TLE5: variants seen among roughly 807,000 people sequenced by gnomAD.
The protein encoded by TLE5 is TLE family member 5.
A neutral mutation model predicts 25.8 loss-of-function variants in TLE5; 7 were observed. The observed-to-expected ratio is 0.27, with a 90% CI of 0.15 to 0.51. The LOEUF is 0.51. TLE5 is among the 20% of genes least tolerant of loss of function. The pLI is 0.97. For missense variants in TLE5, 149 were observed against 250.7 expected, an observed-to-expected ratio of 0.59 and a Z score of 2.74; for synonymous variants, 132 against 110.5, an observed-to-expected ratio of 1.20 and a Z score of -1.22.
chr19:3,058,543 C>T (rs62125455), intron 2 of TLE5, among the ~76,000 whole-genome samples: 9,238 of 152,314 alleles, frequency 0.061, 397 homozygotes, highest in Non-Finnish European at 0.085. Context: ...AGGCAGACCC[C>T]TCAGCTCCCT....
chr19:3,062,917 T>C, upstream of TLE5: 1 of 1,059,074 alleles, frequency 9.4e-7, no homozygotes, highest in East Asian at 2.7e-5. Context: ...GAAGCCATTC[T>C]TGTGACACAT....
At chr19:3,056,207 C>A (rs1435675937) in intron 4 of TLE5, 105 bp downstream of exon 4, 3 of 735,162 alleles carry the variant, frequency 4.1e-6, no homozygotes, top group Admixed American at 6.8e-5. Context: ...GGTGCCCAGC[C>A]GAGGGCCGGC....
In TLE5 at chr19:3,053,197, A is replaced by G. The variant is rs2090188299; in HGVS notation, c.*622T>C. 1 of 152,250 alleles carries G rather than the reference A, an allele frequency of 6.6e-6. No individual in the cohort carries two copies. The highest frequency in any genetic ancestry group is 6.5e-5 in the Admixed American group (1 of 15,284). 9.4% of individuals were successfully genotyped at this position (152,250 alleles called of 1,614,324 possible). On this transcript the variant is annotated 3_prime_UTR_variant, in exon 7 of 7. Coordinates refer to ENST00000327141, the MANE Select transcript of TLE5 (RefSeq NM_001130.6). ...TCTTTATTTGGGAAGGGGAGGGGGA[A>G]TCCTGGGTCGCCCACCCTCACCCTG...
intron 2 of TLE5, among the ~76,000 whole-genome samples, chr19:3,058,345 C>G (rs1748428875): frequency 6.6e-6 from 1 of 152,126 alleles, no homozygotes; most frequent in Non-Finnish European, 1.5e-5. Flanking sequence ...ACAGTGGACA[C>G]CCAGAGAGGG....
At chr19:3,061,040 A>C in intron 2 of TLE5, 120 bp downstream of exon 2, 1 of 694,682 alleles carries the variant, frequency 1.4e-6, no homozygotes, top group Non-Finnish European at 2.5e-6. Context: ...TCAAGTGATT[A>C]GGTCAGAGTC....
chr19:3,054,440 T>C (rs568513733), intron 5 of TLE5: 1 of 588,658 alleles, frequency 1.7e-6, no homozygotes. Context: ...TTAAAAGGGT[T>C]TTGTGCTAAG....
Position 3,053,940 on chromosome 19 carries a change from C to G in TLE5, c.473G>C (p.Ser158Thr), listed in dbSNP as rs1013016428. ...GLQPPSLPAV[S>T]AGTGLLSLSA... Reference sequence around the variant, plus strand: ...CAGCGAGAGGAGGCCGGTGCCTGCGCTGACCGCCGGCAGCGAAGGCGGCTG... The same window carrying G: ...CAGCGAGAGGAGGCCGGTGCCTGCGGTGACCGCCGGCAGCGAAGGCGGCTG... The change falls in exon 7 of 7, where the codon AGC becomes ACC. Residue 158 changes from serine to threonine, a missense_variant. Ser to Thr is a moderately conservative substitution (Grantham distance 58, BLOSUM62 1). Coordinates refer to ENST00000327141, the MANE Select transcript of TLE5 (RefSeq NM_001130.6). 69 of 1,612,052 alleles carry G rather than the reference C, an allele frequency of 4.3e-5. No individual in the cohort carries two copies. The highest frequency in any genetic ancestry group is 5.6e-5 in the Non-Finnish European group (66 of 1,179,656).
chr19:3,061,630 G>A lies in TLE5; in HGVS notation c.28-373C>T, dbSNP rs866492417. Among the ~76,000 whole-genome samples, 7 of 151,922 alleles carry A rather than the reference G, an allele frequency of 4.6e-5. No individual in the cohort carries two copies. In the South Asian group the frequency reaches 8.3e-4, roughly 18 times the overall value. ...GGGAGCCCCCTCCCCAAGTTGGGGG[G>A]CAGCGATTCCTCCCTGCAAAGTCCT... On this transcript the variant is annotated intron_variant, in intron 1 of 6. Coordinates refer to ENST00000327141, the MANE Select transcript of TLE5 (RefSeq NM_001130.6).
chr19:3,060,147 G>A (rs1479086079), intron 2 of TLE5, among the ~76,000 whole-genome samples: 1 of 151,812 alleles, frequency 6.6e-6, no homozygotes, highest in Non-Finnish European at 1.5e-5. Context: ...AGCATAGCCT[G>A]ACTTTCTCCA....
intron 2 of TLE5, among the ~76,000 whole-genome samples, chr19:3,058,034 G>A (rs528131383): frequency 5.9e-5 from 9 of 152,050 alleles, no homozygotes; most frequent in East Asian, 1.9e-4. Context: ...CAATGAAGCC[G>A]TAAACTTTCA....
In TLE5 at chr19:3,053,068, CTTTTT is replaced by C. The variant is rs537760290; in HGVS notation, c.*746_*750del. ...TGCTTTTTTTTAAAAACACTTTTGT[CTTTTT>C]TTTTTTTTAATATCCCCTTTCTTAA... On this transcript the variant is annotated 3_prime_UTR_variant, in exon 7 of 7. Coordinates refer to ENST00000327141, the MANE Select transcript of TLE5 (RefSeq NM_001130.6). 1.4e-5 allele frequency: 2 copies of C among 142,214 alleles called. No homozygotes were observed. Among genetic ancestry groups the C allele is most frequent in the Non-Finnish European group, 3.1e-5 (2 of 64,680 alleles). 8.8% of individuals were successfully genotyped at this position (142,214 alleles called of 1,614,324 possible).
chr19:3,059,951 A>C (rs528084076), intron 2 of TLE5, among the ~76,000 whole-genome samples: 53 of 152,340 alleles, frequency 3.5e-4, no homozygotes, highest in Non-Finnish European at 6.9e-4. Flanking sequence ...GGAAGGATGA[A>C]GCACGAGGAG....
intron 3 of TLE5, chr19:3,056,750 A>G (rs2090222975): frequency 2.9e-6 from 1 of 339,966 alleles, no homozygotes; most frequent in African/African-American, 2.2e-5. Flanking sequence ...GCCTAGGTAT[A>G]AACAGTGAGG....
chr19:3,061,310 C>G (rs2090265151), intron 1 of TLE5, 53 bp from the exon 2 acceptor site: 1 of 1,437,640 alleles, frequency 7.0e-7, no homozygotes, highest in Non-Finnish European at 9.8e-7. Context: ...GGACCCCCCT[C>G]AAGGGCCGGC....
chr19:3,053,809 C>G lies in TLE5; in HGVS notation c.*10G>C, dbSNP rs748233473. 1.2e-6 allele frequency: 2 copies of G among 1,612,290 alleles called. No individual in the cohort carries two copies. Among genetic ancestry groups the G allele is most frequent in the East Asian group, 2.2e-5 (1 of 44,882 alleles). On this transcript the variant is annotated 3_prime_UTR_variant, in exon 7 of 7. Transcript: ENST00000327141. ...GTCCCCCCTCCCAACCTCCCTGTCCCGGCCCCCTGCTAATCCGACTTCTCG... is the reference window on the plus strand; with the variant it reads ...GTCCCCCCTCCCAACCTCCCTGTCCGGGCCCCCTGCTAATCCGACTTCTCG...
intron 6 of TLE5, 34 bp downstream of exon 6, chr19:3,054,086 T>TCGGGGGGGGGGGGGGCCCCCC: frequency 1.3e-6 from 2 of 1,512,798 alleles, no homozygotes; most frequent in Non-Finnish European, 1.8e-6. Flanking sequence ...GGCCCACCTG[T>TCGGGGGGGGGGGGGGCCCCCC]CCCCCGCCCA....
chr19:3,054,260 C>G, intron 5 of TLE5, 66 bp from the exon 6 acceptor site: 2 of 1,510,266 alleles, frequency 1.3e-6, no homozygotes, highest in Non-Finnish European at 1.8e-6. Context: ...GAGAGGGGGA[C>G]GGCCCTGAGG....
chr19:3,061,264 G>A lies in TLE5; in HGVS notation c.28-7C>T, dbSNP rs370177759. 1.1e-5 allele frequency: 18 copies of A among 1,609,832 alleles called. No homozygotes were observed. The African/African-American group carries it at 2.3e-4, about 20-fold the overall frequency. ...GGGGTAGGTGCGAGGAGCCCTGTAG[G>A]GATGGGGCGGCCCGGGTCAGGCCCA... On this transcript the variant is annotated splice_polypyrimidine_tract_variant and splice_region_variant and intron_variant, in intron 1 of 6. Transcript: ENST00000327141.
chr19:3,056,654 G>T (rs954612201), intron 3 of TLE5: 3 of 607,634 alleles, frequency 4.9e-6, no homozygotes, highest in Admixed American at 2.2e-5. Context: ...CATGTGCACC[G>T]CGAGAACACG....
Sources: gnomAD v4.1 joint callset for allele counts (sites outside exome capture counted in the v4.1 genomes callset) on GRCh38, gnomAD v4.1.1 for gene constraint, MANE v1.5 for transcripts, NCBI Gene and HGNC (gene_info 2026-07-23, HGNC 2026-07-21) for gene names.